Variants in ROBO2 observed in about 807,000 individuals in gnomAD.
ROBO2 encodes roundabout homolog 2.
A neutral mutation model predicts 160.8 loss-of-function variants in ROBO2; 53 were observed. The ratio of observed to expected loss-of-function variants is 0.33; its 90% CI spans 0.26 to 0.41. The LOEUF is 0.41. ROBO2 is among the 10% of genes least tolerant of loss of function. The pLI, the probability that ROBO2 is intolerant of heterozygous loss-of-function variation, is 1.00. For missense variants in ROBO2, 1,577 were observed against 1,722.4 expected, an observed-to-expected ratio of 0.92 and a Z score of 1.49; for synonymous variants, 664 against 611.7, an observed-to-expected ratio of 1.09 and a Z score of -1.26.
chr3:75,973,233 C>A (rs2065044981), intron 2 of ROBO2, among the ~76,000 whole-genome samples: 2 of 151,624 alleles, frequency 1.3e-5, no homozygotes, highest in Admixed American at 1.3e-4. Flanking sequence ...CAAATCTATT[C>A]TGTAACACTA....
intron 2 of ROBO2, among the ~76,000 whole-genome samples, chr3:75,944,449 C>T (rs946727351): frequency 3.3e-5 from 5 of 152,086 alleles, no homozygotes; most frequent in Admixed American, 6.6e-5. Flanking sequence ...TTACTTATTA[C>T]ATTTCTTTTA....
At chr3:76,733,476 G>A (rs184484855) in intron 2 of ROBO2, among the ~76,000 whole-genome samples, 9 of 152,308 alleles carry the variant, frequency 5.9e-5, no homozygotes, top group Admixed American at 5.9e-4. Flanking sequence ...CCAACTTATT[G>A]TTAGCAATGA....
At position 76,641,510 on chromosome 3, in the gene ROBO2, A is replaced by G. The variant is rs192999892; in HGVS notation, c.110-456504A>G. Among the ~76,000 whole-genome samples, 4 of 152,318 alleles carry G rather than the reference A, an allele frequency of 2.6e-5. No homozygotes were observed. The East Asian group carries it at 5.8e-4, about 22-fold the overall frequency. ...GTACATAGATCATGAAGGACAAGGA[A>G]GGACTGAGGAATTGTGTCAAGTTGG... is the stretch of plus-strand genomic sequence containing the variant. On this transcript the variant is annotated intron_variant, in intron 2 of 26. Coordinates refer to the ROBO2 transcript ENST00000487694.
At chr3:77,114,566 G>A (rs1340035432) in intron 2 of ROBO2, among the ~76,000 whole-genome samples, 2 of 152,054 alleles carry the variant, frequency 1.3e-5, no homozygotes, top group African/African-American at 2.4e-5. Flanking sequence ...CACAGTCCTC[G>A]TTCACCTTGT....
At chr3:76,591,971 G>T (rs915526570) in intron 2 of ROBO2, among the ~76,000 whole-genome samples, 2 of 151,926 alleles carry the variant, frequency 1.3e-5, no homozygotes, top group Non-Finnish European at 2.9e-5. Context: ...TGATATTGGG[G>T]CTATTTTTCA....
At chr3:76,391,384 A>G (rs1368699934) in intron 2 of ROBO2, among the ~76,000 whole-genome samples, 6 of 152,222 alleles carry the variant, frequency 3.9e-5, no homozygotes, top group Non-Finnish European at 5.9e-5. Flanking sequence ...CATTCCACAT[A>G]TATGGAATAT....
intron 2 of ROBO2, among the ~76,000 whole-genome samples, chr3:77,388,478 C>G (rs1182903938): frequency 6.6e-6 from 1 of 152,114 alleles, no homozygotes; most frequent in East Asian, 1.9e-4. Context: ...TCTTCTCGCT[C>G]CTTCTCTTCT....
chr3:76,147,217 A>G (rs534231876), intron 2 of ROBO2, among the ~76,000 whole-genome samples: 2 of 152,062 alleles, frequency 1.3e-5, no homozygotes, highest in South Asian at 4.1e-4. Context: ...AAATATGTTG[A>G]GTTTGTAATA....
intron 1 of ROBO2, among the ~76,000 whole-genome samples, chr3:77,087,395 G>A (rs1301305894): frequency 1.3e-5 from 2 of 152,100 alleles, no homozygotes; most frequent in Non-Finnish European, 2.9e-5. Context: ...CTGGAATAGG[G>A]ATTGTTTTTG....
intron 2 of ROBO2, among the ~76,000 whole-genome samples, chr3:76,651,280 C>T (rs536644709): frequency 6.6e-6 from 1 of 152,164 alleles, no homozygotes; most frequent in East Asian, 1.9e-4. Flanking sequence ...TAGCTCTAAG[C>T]GTCCGAAGGT....
At chr3:76,225,353 A>T (rs979072217) in intron 2 of ROBO2, among the ~76,000 whole-genome samples, 2 of 152,174 alleles carry the variant, frequency 1.3e-5, no homozygotes, top group Non-Finnish European at 2.9e-5. Flanking sequence ...TTTATGTCGT[A>T]GGTATTACTT....
chr3:76,930,998 T>C (rs2077303192), intron 2 of ROBO2, among the ~76,000 whole-genome samples: 1 of 152,230 alleles, frequency 6.6e-6, no homozygotes, highest in South Asian at 2.1e-4. Flanking sequence ...AGCCTTTTTT[T>C]TCTCTGCTAG....
At chr3:76,898,938 AC>A (rs952787409) in intron 2 of ROBO2, among the ~76,000 whole-genome samples, 3 of 152,180 alleles carry the variant, frequency 2.0e-5, no homozygotes, top group African/African-American at 7.2e-5. Context: ...AGGAACGTGG[AC>A]ATTCAAGAAC....
intron 2 of ROBO2, among the ~76,000 whole-genome samples, chr3:75,941,275 A>G (rs74507175): frequency 6.6e-6 from 1 of 152,148 alleles, no homozygotes; most frequent in Non-Finnish European, 1.5e-5. Flanking sequence ...TTCTGTCTTA[A>G]TGGCTTTAAC....
chr3:76,440,579 T>C (rs1472706900), intron 2 of ROBO2, among the ~76,000 whole-genome samples: 1 of 152,152 alleles, frequency 6.6e-6, no homozygotes, highest in Non-Finnish European at 1.5e-5. Flanking sequence ...TAAAATACAA[T>C]TCCTCTCATA....
chr3:76,801,845 G>A (rs778084419), intron 2 of ROBO2, among the ~76,000 whole-genome samples: 2 of 152,144 alleles, frequency 1.3e-5, no homozygotes, highest in Non-Finnish European at 2.9e-5. Context: ...TGAGCAACAT[G>A]TGACTCCTTT....
At chr3:76,657,892 A>G (rs1208891536) in intron 2 of ROBO2, among the ~76,000 whole-genome samples, 1 of 148,310 alleles carries the variant, frequency 6.7e-6, no homozygotes, top group East Asian at 2.0e-4. Context: ...GTGTATATAT[A>G]TATATGTGTG....
intron 2 of ROBO2, among the ~76,000 whole-genome samples, chr3:77,347,206 T>C (rs1050574744): frequency 1.3e-5 from 2 of 152,108 alleles, no homozygotes; most frequent in African/African-American, 2.4e-5. Flanking sequence ...AAAAAGACCA[T>C]GCTAATTGCA....
intron 2 of ROBO2, among the ~76,000 whole-genome samples, chr3:77,199,798 T>C (rs75373705): frequency 0.15 from 21,081 of 142,542 alleles, 1,787 homozygotes; most frequent in Middle Eastern, 0.24. Flanking sequence ...AATTTTTTTT[T>C]TTGTTGTTTA....
Sources: gnomAD v4.1 joint callset for allele counts (sites outside exome capture counted in the v4.1 genomes callset) on GRCh38, gnomAD v4.1.1 for gene constraint, MANE v1.5 for transcripts, NCBI Gene and HGNC (gene_info 2026-07-23, HGNC 2026-07-21) for gene names.